SYT2: variants seen among roughly 807,000 people sequenced by gnomAD.
The protein encoded by SYT2 is synaptotagmin 2, also known as synaptotagmin-2.
A neutral mutation model predicts 39.9 loss-of-function variants in SYT2; 15 were observed. That is an observed-to-expected ratio of 0.38 (90% CI 0.25 to 0.58). The LOEUF is 0.58. Among genes scored for constraint, SYT2 ranks in the 20% least tolerant of loss-of-function variants. The pLI is 0.70. For synonymous variants in SYT2, 181 were observed against 204.5 expected, an observed-to-expected ratio of 0.89 and a Z score of 0.98; for missense variants, 389 against 530.3, an observed-to-expected ratio of 0.73 and a Z score of 2.62.
chr1:202,683,633 T>C (rs765193326), intron 1 of SYT2, among the ~76,000 whole-genome samples: 3 of 151,528 alleles, frequency 2.0e-5, no homozygotes, highest in Non-Finnish European at 4.4e-5. Context: ...CCCAGCTACT[T>C]GGGAGGCTGA....
chr1:202,700,551 A>G (rs1158921853), intron 1 of SYT2, among the ~76,000 whole-genome samples: 1 of 152,228 alleles, frequency 6.6e-6, no homozygotes, highest in Non-Finnish European at 1.5e-5. Flanking sequence ...TCAAAATACA[A>G]TAGTAACTCA....
At chr1:202,656,551 C>G (rs566888849) in intron 1 of SYT2, among the ~76,000 whole-genome samples, 1 of 152,348 alleles carries the variant, frequency 6.6e-6, no homozygotes, top group Non-Finnish European at 1.5e-5. Context: ...TCTTTAACCT[C>G]TCTAAGGCTC....
At chr1:202,668,473 T>C (rs989936535) in intron 1 of SYT2, among the ~76,000 whole-genome samples, 14 of 152,318 alleles carry the variant, frequency 9.2e-5, no homozygotes, top group African/African-American at 3.4e-4. Flanking sequence ...GCAATGTTTA[T>C]AGGTAGAATT....
intron 1 of SYT2, among the ~76,000 whole-genome samples, chr1:202,705,594 G>C (rs1306448536): frequency 6.6e-6 from 1 of 152,160 alleles, no homozygotes; most frequent in Non-Finnish European, 1.5e-5. Context: ...ACTTCCCTAA[G>C]TGTGAGGGGC....
intron 1 of SYT2, among the ~76,000 whole-genome samples, chr1:202,663,979 A>T (rs1692437539): frequency 6.6e-6 from 1 of 152,210 alleles, no homozygotes; most frequent in Non-Finnish European, 1.5e-5. Context: ...CCACAAGCAC[A>T]GTGCCCTCTG....
intron 1 of SYT2, among the ~76,000 whole-genome samples, chr1:202,700,662 G>A (rs1654099133): frequency 6.6e-6 from 1 of 152,066 alleles, no homozygotes; most frequent in Admixed American, 6.5e-5. Context: ...GTAAGAAGGA[G>A]GCCTTGTTTC....
chr1:202,693,407 G>A (rs551211719), intron 1 of SYT2, among the ~76,000 whole-genome samples: 4 of 152,110 alleles, frequency 2.6e-5, no homozygotes, highest in African/African-American at 4.8e-5. Context: ...TCTACTCATC[G>A]CCTGCATCTG....
chr1:202,608,924 T>C (rs1283580185), intron 1 of SYT2, among the ~76,000 whole-genome samples: 1 of 152,090 alleles, frequency 6.6e-6, no homozygotes, highest in African/African-American at 2.4e-5. Flanking sequence ...ATGTGCACAA[T>C]GTGCAGGTTA....
intron 1 of SYT2, among the ~76,000 whole-genome samples, chr1:202,668,837 A>G (rs1692528309): frequency 6.6e-6 from 1 of 152,198 alleles, no homozygotes; most frequent in Non-Finnish European, 1.5e-5. Flanking sequence ...CGAGGCACTG[A>G]CCGATGGCCC....
In SYT2 at chr1:202,611,805, GTTT is replaced by G. The variant is rs753329450; in HGVS notation, c.-17-6019_-17-6017del. Reference sequence around the variant, plus strand: ...TAAGGGCACTAAGATTTACTCCTTTGTTTTCTTATGGGAGTTGCATAGTTTTAG... The same window carrying G: ...TAAGGGCACTAAGATTTACTCCTTTGTCTTATGGGAGTTGCATAGTTTTAG... On this transcript the variant is annotated intron_variant, in intron 1 of 8. Coordinates refer to ENST00000367268, the MANE Select transcript of SYT2 (RefSeq NM_177402.5). Among the ~76,000 whole-genome samples, 151 of 152,270 alleles carry G rather than the reference GTTT, an allele frequency of 9.9e-4. 1 individual carries two copies. The Middle Eastern group carries it at 0.01, about 10-fold the overall frequency.
intron 1 of SYT2, among the ~76,000 whole-genome samples, chr1:202,667,962 C>A (rs879902624): frequency 5.3e-5 from 8 of 152,150 alleles, no homozygotes; most frequent in Non-Finnish European, 1.0e-4. Context: ...CTGCCCACCT[C>A]GGCCTCCCAA....
chr1:202,641,881 G>A (rs1558444570), intron 1 of SYT2, among the ~76,000 whole-genome samples: 1 of 152,202 alleles, frequency 6.6e-6, no homozygotes, highest in Admixed American at 6.5e-5. Flanking sequence ...CTGGAAAGCC[G>A]GCCTTTCTCC....
chr1:202,709,634 GGA>G (rs1221119536), intron 1 of SYT2, among the ~76,000 whole-genome samples: 3 of 152,124 alleles, frequency 2.0e-5, no homozygotes, highest in African/African-American at 7.2e-5. Context: ...CATGAGATTT[GGA>G]GAGAGGGGAG....
At chr1:202,618,453 A>G (rs559581277) in intron 1 of SYT2, among the ~76,000 whole-genome samples, 1 of 151,354 alleles carries the variant, frequency 6.6e-6, no homozygotes. Context: ...CAAAGCTGGC[A>G]TGGGAAGTGG....
intron 1 of SYT2, among the ~76,000 whole-genome samples, chr1:202,650,279 G>A (rs1324850670): frequency 6.6e-6 from 1 of 152,190 alleles, no homozygotes; most frequent in Non-Finnish European, 1.5e-5. Context: ...TGTCCAGCCT[G>A]CCTGAGAGGA....
intron 1 of SYT2, among the ~76,000 whole-genome samples, chr1:202,706,956 C>T (rs937943924): frequency 6.6e-6 from 1 of 152,196 alleles, no homozygotes; most frequent in Non-Finnish European, 1.5e-5. Flanking sequence ...GTCAGATCAT[C>T]CTGTTACATG....
chr1:202,600,605 A>C, intron 6 of SYT2, 131 bp from the exon 7 acceptor site: 2 of 742,608 alleles, frequency 2.7e-6, no homozygotes, highest in Non-Finnish European at 2.3e-6. Context: ...GTCCCCATAT[A>C]TGTGATGGCC....
rs1449115199 is a variant in SYT2, at chr1:202,595,907, A to G, written c.*850T>C. 6.6e-6 allele frequency: 1 copy of G among 152,186 alleles called. No individual in the cohort carries two copies. Among genetic ancestry groups the G allele is most frequent in the African/African-American group, 2.4e-5 (1 of 41,428 alleles). 9.4% of individuals were successfully genotyped at this position (152,186 alleles called of 1,614,324 possible). On this transcript the variant is annotated 3_prime_UTR_variant, in exon 9 of 9. Transcript: ENST00000367268. Reference sequence around the variant, plus strand: ...CCCTGTTAGTCTGACCCAACTAGTGAATAGCTCATATCCATGAATGTCCCA... The same window carrying G: ...CCCTGTTAGTCTGACCCAACTAGTGGATAGCTCATATCCATGAATGTCCCA...
intron 1 of SYT2, among the ~76,000 whole-genome samples, chr1:202,678,122 T>TA (rs1653425886): frequency 6.6e-6 from 1 of 151,634 alleles, no homozygotes; most frequent in African/African-American, 2.4e-5. Flanking sequence ...AAAAATACAA[T>TA]AATTAGCCAG....
Sources: gnomAD v4.1 joint callset for allele counts (sites outside exome capture counted in the v4.1 genomes callset) on GRCh38, gnomAD v4.1.1 for gene constraint, MANE v1.5 for transcripts, NCBI Gene and HGNC (gene_info 2026-07-23, HGNC 2026-07-21) for gene names.